The following OSBPL1A variants were observed in gnomAD, a reference collection of about 807,000 sequenced individuals.
The protein encoded by OSBPL1A is oxysterol binding protein like 1A.
In OSBPL1A, 80 loss-of-function variants were observed where a neutral mutation model predicts 137.1. That is an observed-to-expected ratio of 0.58 (90% CI 0.49 to 0.70). The LOEUF is 0.70. OSBPL1A is among the 30% of genes least tolerant of loss of function. The pLI is 0.00. For synonymous variants in OSBPL1A, 365 were observed against 389.7 expected (o/e 0.94, Z 0.75); for missense variants, 970 against 1,129.4 (o/e 0.86, Z 2.02).
intron 16 of OSBPL1A, among the ~76,000 whole-genome samples, chr18:24,225,824 C>G (rs948018015): frequency 6.6e-6 from 1 of 151,828 alleles, no homozygotes; most frequent in Non-Finnish European, 1.5e-5. Flanking sequence ...AAAAAAATAA[C>G]AGCCAGGTAT....
chr18:24,193,738 A>G (rs535689903), intron 18 of OSBPL1A, among the ~76,000 whole-genome samples: 2 of 152,328 alleles, frequency 1.3e-5, no homozygotes, highest in South Asian at 4.1e-4. Context: ...TTCCAAAAAC[A>G]CGACTTCCCC....
chr18:24,263,235 C>A (rs61156989), intron 15 of OSBPL1A, among the ~76,000 whole-genome samples: 1,873 of 152,262 alleles, frequency 0.012, 40 homozygotes, highest in African/African-American at 0.042. Flanking sequence ...GAAAACACTG[C>A]AAATATGTTA....
intron 1 of OSBPL1A, among the ~76,000 whole-genome samples, chr18:24,394,901 A>G (rs16940692): frequency 0.17 from 25,122 of 152,136 alleles, 2,248 homozygotes; most frequent in Admixed American, 0.26. Flanking sequence ...TCTTCCTAGT[A>G]ATAGCATTAA....
chr18:24,311,977 T>C lies in OSBPL1A; in HGVS notation c.1092+7A>G, dbSNP rs2090626415. ...CTATAAAGGTCAGGTTACATTTTCC[T>C]ATTTACCTCTAATGATTTCTTCAGG... On this transcript the variant is annotated splice_region_variant and intron_variant, in intron 13 of 27. Transcript: ENST00000319481. 3 of 1,613,822 alleles carry C rather than the reference T, an allele frequency of 1.9e-6. No individual in the cohort carries two copies. Among genetic ancestry groups the C allele is most frequent in the Admixed American group, 1.7e-5 (1 of 59,992 alleles).
At chr18:24,384,577 C>T (rs1160754937) in intron 1 of OSBPL1A, among the ~76,000 whole-genome samples, 2 of 144,144 alleles carry the variant, frequency 1.4e-5, no homozygotes, top group African/African-American at 5.2e-5. Flanking sequence ...CAGAAACAAA[C>T]AAACAAAAGG....
chr18:24,258,905 G>C (rs2089363726), intron 15 of OSBPL1A, among the ~76,000 whole-genome samples: 1 of 129,268 alleles, frequency 7.7e-6, no homozygotes, highest in Non-Finnish European at 1.7e-5. Context: ...ATTTTTTAAA[G>C]TCTATTTTTA....
chr18:24,180,362 A>G (rs953376666), intron 19 of OSBPL1A, among the ~76,000 whole-genome samples: 10 of 152,226 alleles, frequency 6.6e-5, no homozygotes, highest in Admixed American at 2.0e-4. Context: ...ACAATCTTCC[A>G]TCTAAAACAT....
At chr18:24,256,964 CA>C (rs201880387) in intron 15 of OSBPL1A, among the ~76,000 whole-genome samples, 211 of 29,486 alleles carry the variant, frequency 7.2e-3, no homozygotes, top group South Asian at 0.035. Context: ...GAAGAGGATG[CA>C]AAAAAAAAAA....
intron 1 of OSBPL1A, among the ~76,000 whole-genome samples, chr18:24,382,299 C>T (rs543700239): frequency 8.2e-5 from 12 of 147,088 alleles, no homozygotes; most frequent in South Asian, 2.1e-4. Flanking sequence ...CCCAGCTACT[C>T]AGGAGTCTGA....
At chr18:24,283,754 A>G (rs545378189) in intron 14 of OSBPL1A, among the ~76,000 whole-genome samples, 110 of 152,262 alleles carry the variant, frequency 7.2e-4, no homozygotes, top group South Asian at 5.8e-3. Context: ...TAGAAGCATA[A>G]CCATTCATAG....
chr18:24,174,760 C>T (rs777019425), intron 21 of OSBPL1A, among the ~76,000 whole-genome samples: 13 of 151,856 alleles, frequency 8.6e-5, no homozygotes, highest in Non-Finnish European at 1.3e-4. Flanking sequence ...TGCTGTTGAA[C>T]ATCTTTTTAA....
chr18:24,330,486 T>C (rs1055347825), intron 7 of OSBPL1A, among the ~76,000 whole-genome samples: 3 of 134,214 alleles, frequency 2.2e-5, no homozygotes, highest in African/African-American at 9.4e-5. Context: ...GAGATAAAAC[T>C]TTTTTTTTTT....
At chr18:24,319,356 G>C (rs1391586143) in intron 7 of OSBPL1A, among the ~76,000 whole-genome samples, 2 of 152,034 alleles carry the variant, frequency 1.3e-5, no homozygotes, top group African/African-American at 4.8e-5. Context: ...GGATAATTCA[G>C]GATTTCCCCT....
Position 24,283,282 on chromosome 18 carries a change from AT to A in OSBPL1A, c.1175-2335del, listed in dbSNP as rs1297958726. Among the ~76,000 whole-genome samples, 280 of 42,238 alleles carry A rather than the reference AT, an allele frequency of 6.6e-3. 6 individuals carry two copies. The highest frequency in any genetic ancestry group is 0.023 in the African/African-American group (272 of 11,732). The allele number at this position is 42,238 out of a possible 152,430, so 27.7% of individuals were successfully genotyped here. A position where few individuals can be genotyped will look rare whatever the true frequency, so the allele number is the denominator to read the frequency against. ...TCCATCTCAAAAAAAAAAAAAAAAAATATATATATATATATATATATGTATA... is the reference window on the plus strand; with the variant it reads ...TCCATCTCAAAAAAAAAAAAAAAAAAATATATATATATATATATATGTATA... On this transcript the variant is annotated intron_variant, in intron 14 of 27. Coordinates refer to ENST00000319481, the MANE Select transcript of OSBPL1A (RefSeq NM_080597.4).
chr18:24,186,147 G>A (rs11083004), intron 18 of OSBPL1A, among the ~76,000 whole-genome samples: 31,327 of 152,078 alleles, frequency 0.21, 3,911 homozygotes, highest in East Asian at 0.4. Context: ...TTCTAGTCCT[G>A]CTACAGAAAA....
At chr18:24,222,923 C>G (rs2087938569) in intron 17 of OSBPL1A, among the ~76,000 whole-genome samples, 1 of 151,850 alleles carries the variant, frequency 6.6e-6, no homozygotes, top group Non-Finnish European at 1.5e-5. Context: ...TGCAAGGTTC[C>G]TATGGGAAAG....
intron 14 of OSBPL1A, among the ~76,000 whole-genome samples, chr18:24,281,930 G>A (rs934765700): frequency 9.2e-5 from 14 of 152,288 alleles, no homozygotes; most frequent in African/African-American, 3.4e-4. Context: ...TGTCAGATCA[G>A]TGGCAGCATT....
Position 24,163,297 on chromosome 18 carries a change from G to A in OSBPL1A, c.2751-16C>T. On this transcript the variant is annotated splice_polypyrimidine_tract_variant and intron_variant, in intron 27 of 27. Transcript: ENST00000319481. ...ATGGAACCACCTGTTAAAAGAAAAAGGACAAGACTTACAGGGGAAACTATG... is the reference window on the plus strand; with the variant it reads ...ATGGAACCACCTGTTAAAAGAAAAAAGACAAGACTTACAGGGGAAACTATG... 1.3e-6 allele frequency: 2 copies of A among 1,556,344 alleles called. No individual in the cohort carries two copies. The highest frequency in any genetic ancestry group is 1.8e-6 in the Non-Finnish European group (2 of 1,137,018).
At chr18:24,201,944 AGAT>A (rs952567730) in intron 17 of OSBPL1A, among the ~76,000 whole-genome samples, 2 of 152,198 alleles carry the variant, frequency 1.3e-5, no homozygotes, top group African/African-American at 4.8e-5. Flanking sequence ...AAAAAGAACA[AGAT>A]GATAACACAA....
Sources: gnomAD v4.1 joint callset for allele counts (sites outside exome capture counted in the v4.1 genomes callset) on GRCh38, gnomAD v4.1.1 for gene constraint, MANE v1.5 for transcripts, NCBI Gene and HGNC (gene_info 2026-07-23, HGNC 2026-07-21) for gene names.